UHRF2: variants seen among roughly 807,000 people sequenced by gnomAD.
The protein encoded by UHRF2 is E3 ubiquitin-protein ligase UHRF2.
UHRF2 carries 23 observed loss-of-function variants against 96.8 expected under a neutral mutation model. The observed-to-expected ratio is 0.24, with a 90% CI of 0.17 to 0.34. UHRF2 has a LOEUF of 0.34. UHRF2 is among the 10% of genes least tolerant of loss of function. The pLI is 1.00. For synonymous variants in UHRF2, 385 were observed against 332.6 expected (o/e 1.16, Z -1.72); for missense variants, 685 against 981.5 (o/e 0.70, Z 4.04).
intron 4 of UHRF2, among the ~76,000 whole-genome samples, chr9:6,463,187 A>G (rs1322686933): frequency 6.6e-6 from 1 of 152,032 alleles, no homozygotes; most frequent in African/African-American, 2.4e-5. Context: ...AGGCTGAGGC[A>G]GGAGAATCAC....
intron 3 of UHRF2, among the ~76,000 whole-genome samples, chr9:6,457,301 C>G (rs958306196): frequency 1.3e-5 from 2 of 152,078 alleles, no homozygotes; most frequent in African/African-American, 2.4e-5. Context: ...TGATTTGGCT[C>G]TCTGTTTGTC....
intron 3 of UHRF2, among the ~76,000 whole-genome samples, chr9:6,442,557 C>T (rs1005116490): frequency 9.2e-5 from 14 of 152,216 alleles, no homozygotes; most frequent in South Asian, 6.2e-4. Flanking sequence ...TGGCTCACTG[C>T]AGCCTCGACT....
intron 3 of UHRF2, among the ~76,000 whole-genome samples, chr9:6,445,911 C>T (rs1269393241): frequency 6.8e-6 from 1 of 147,130 alleles, no homozygotes; most frequent in Non-Finnish European, 1.5e-5. Context: ...TGGTATAAAA[C>T]TTTTTGCTTT....
chr9:6,432,643 A>T (rs1189499282), intron 2 of UHRF2, among the ~76,000 whole-genome samples: 1 of 152,208 alleles, frequency 6.6e-6, no homozygotes, highest in East Asian at 1.9e-4. Context: ...AATATCTGGC[A>T]TACTGATATT....
At chr9:6,422,207 T>A (rs1190601428) in intron 2 of UHRF2, among the ~76,000 whole-genome samples, 1 of 152,180 alleles carries the variant, frequency 6.6e-6, no homozygotes, top group African/African-American at 2.4e-5. Context: ...CTCTGCCTCC[T>A]AAGTAGTGGG....
chr9:6,429,455 T>G (rs544354337), intron 2 of UHRF2, among the ~76,000 whole-genome samples: 3 of 152,274 alleles, frequency 2.0e-5, no homozygotes, highest in African/African-American at 7.2e-5. Context: ...TGCACTGTCA[T>G]GCAGGCTGGA....
chr9:6,471,756 C>G (rs1045107292), intron 4 of UHRF2, among the ~76,000 whole-genome samples: 1 of 152,152 alleles, frequency 6.6e-6, no homozygotes, highest in East Asian at 1.9e-4. Context: ...GCAGTAAGAT[C>G]TGAAGGGGCT....
At chr9:6,502,788 A>G (rs1210038359) in intron 14 of UHRF2, among the ~76,000 whole-genome samples, 1 of 152,240 alleles carries the variant, frequency 6.6e-6, no homozygotes, top group Admixed American at 6.5e-5. Flanking sequence ...AATATTGGTC[A>G]TTAACAAAGG....
chr9:6,488,309 G>A (rs1464784059), intron 9 of UHRF2, among the ~76,000 whole-genome samples: 2 of 109,068 alleles, frequency 1.8e-5, no homozygotes, highest in African/African-American at 7.0e-5. Context: ...AAAAAAAAAT[G>A]CGGGAAGGGG....
intron 4 of UHRF2, among the ~76,000 whole-genome samples, chr9:6,461,704 G>T (rs1481513534): frequency 9.9e-5 from 15 of 151,926 alleles, no homozygotes; most frequent in Admixed American, 9.9e-4. Context: ...AATACTTTCA[G>T]ATGTTTCCCA....
At chr9:6,484,445 CCCT>C (rs1371207600) in intron 8 of UHRF2, among the ~76,000 whole-genome samples, 3 of 144,606 alleles carry the variant, frequency 2.1e-5, no homozygotes, top group Non-Finnish European at 4.6e-5. Context: ...CTTCCCTCCT[CCCT>C]CCTCCCCCCT....
chr9:6,471,657 A>G, intron 4 of UHRF2, among the ~76,000 whole-genome samples: 1 of 152,122 alleles, frequency 6.6e-6, no homozygotes, highest in Non-Finnish European at 1.5e-5. Flanking sequence ...CTTAACTGCA[A>G]TCTCATGAAA....
At chr9:6,505,350 T>C (rs1816528408) in intron 15 of UHRF2, among the ~76,000 whole-genome samples, 1 of 152,044 alleles carries the variant, frequency 6.6e-6, no homozygotes, top group African/African-American at 2.4e-5. Flanking sequence ...GGGTAGAGTG[T>C]AGTGGTGCGA....
chr9:6,428,533 C>CTTTTTTTTTT lies in UHRF2; in HGVS notation c.385-5352_385-5343dup, dbSNP rs1171172143. On this transcript the variant is annotated intron_variant, in intron 2 of 15. Coordinates refer to ENST00000276893, the MANE Select transcript of UHRF2 (RefSeq NM_152896.3). ...TGTAAATGGAACCATATTGCTTTTG[C>CTTTTTTTTTT]TTTTTTTTTTTTTTTTTTTTTTTTT... Among the ~76,000 whole-genome samples, 32 of 65,418 alleles carry CTTTTTTTTTT rather than the reference C, an allele frequency of 4.9e-4. 4 individuals are homozygous for CTTTTTTTTTT. Among genetic ancestry groups the CTTTTTTTTTT allele is most frequent in the Non-Finnish European group, 6.3e-4 (24 of 37,886 alleles). 42.9% of individuals were successfully genotyped at this position (65,418 alleles called of 152,430 possible).
intron 2 of UHRF2, among the ~76,000 whole-genome samples, chr9:6,425,207 A>C (rs555760420): frequency 6.6e-6 from 1 of 152,314 alleles, no homozygotes; most frequent in South Asian, 2.1e-4. Context: ...ATTACTCAAC[A>C]TGGGAGGTGT....
intron 2 of UHRF2, among the ~76,000 whole-genome samples, chr9:6,428,122 T>G (rs901923908): frequency 6.6e-6 from 1 of 152,240 alleles, no homozygotes; most frequent in African/African-American, 2.4e-5. Context: ...CTTACATGTT[T>G]TCTTATGCTC....
intron 2 of UHRF2, among the ~76,000 whole-genome samples, chr9:6,426,003 A>G (rs1006452823): frequency 6.6e-6 from 1 of 152,188 alleles, no homozygotes; most frequent in Admixed American, 6.5e-5. Flanking sequence ...TTGTTTGGGC[A>G]TTGACAGGAT....
intron 2 of UHRF2, chr9:6,422,510 A>T: frequency 2.3e-6 from 1 of 426,418 alleles, no homozygotes; most frequent in South Asian, 9.0e-5. Context: ...ATGGGATTCT[A>T]TGGAGATTGC....
intron 14 of UHRF2, among the ~76,000 whole-genome samples, chr9:6,504,080 C>T (rs1314640490): frequency 5.3e-5 from 7 of 131,914 alleles, no homozygotes; most frequent in African/African-American, 1.8e-4. Flanking sequence ...GGCTGGAGTG[C>T]AGTGGCGTGA....
Sources: gnomAD v4.1 joint callset for allele counts (sites outside exome capture counted in the v4.1 genomes callset) on GRCh38, gnomAD v4.1.1 for gene constraint, MANE v1.5 for transcripts, NCBI Gene and HGNC (gene_info 2026-07-23, HGNC 2026-07-21) for gene names.